The following FRMPD4 variants were observed in gnomAD, a reference collection of about 807,000 sequenced individuals.
FRMPD4 encodes the protein FERM and PDZ domain containing 4.
A neutral mutation model predicts 94.1 loss-of-function variants in FRMPD4; 22 were observed. The observed-to-expected ratio is 0.23, with a 90% CI of 0.17 to 0.33. FRMPD4 has a LOEUF of 0.33. FRMPD4 is among the 10% of genes least tolerant of loss of function. The probability of loss-of-function intolerance (pLI) is 1.00; values close to 1 mark genes in which losing one functional copy is unlikely to be tolerated. For synonymous variants in FRMPD4, 631 were observed against 548.6 expected (o/e 1.15, Z -2.10); for missense variants, 1,111 against 1,339.9 (o/e 0.83, Z 2.67).
chrX:11,828,074 T>C (rs1281024087), intron 1 of FRMPD4, among the ~76,000 whole-genome samples: 1 of 112,072 alleles, frequency 8.9e-6, no homozygotes, highest in African/African-American at 3.2e-5. Context: ...AGAAGACATA[T>C]GCCAACTGTG....
At chrX:12,594,788 C>T (rs1461536173) in intron 2 of FRMPD4, among the ~76,000 whole-genome samples, 2 of 111,572 alleles carry the variant, frequency 1.8e-5, no homozygotes, top group African/African-American at 6.5e-5. Flanking sequence ...TTGAATTGCC[C>T]TCATGCTTTA....
At chrX:12,063,686 G>C (rs946510931) in intron 3 of FRMPD4, among the ~76,000 whole-genome samples, 2 of 112,266 alleles carry the variant, frequency 1.8e-5, no homozygotes, top group African/African-American at 6.5e-5. Context: ...CTAGGAGTTT[G>C]GGGCTAAAGT....
chrX:12,202,629 C>A (rs1278929781), intron 1 of FRMPD4, among the ~76,000 whole-genome samples: 21 of 111,941 alleles, frequency 1.9e-4, no homozygotes. Context: ...ATTTGTGTTA[C>A]CCCAAACTCC....
intron 2 of FRMPD4, among the ~76,000 whole-genome samples, chrX:12,599,306 T>TAA (rs58459190): frequency 0.16 from 16,797 of 105,940 alleles, 1,762 homozygotes; most frequent in African/African-American, 0.36. Context: ...TTCCTGCAGG[T>TAA]AAAAAAAAAA....
At chrX:12,626,470 A>G (rs1041751490) in intron 4 of FRMPD4, among the ~76,000 whole-genome samples, 10 of 107,536 alleles carry the variant, frequency 9.3e-5, no homozygotes, top group Non-Finnish European at 1.5e-4. Context: ...TACAACTATC[A>G]GCAGATTTCT....
At chrX:12,621,181 G>A (rs1428016653) in intron 4 of FRMPD4, among the ~76,000 whole-genome samples, 2 of 111,527 alleles carry the variant, frequency 1.8e-5, no homozygotes, top group Non-Finnish European at 3.8e-5. Context: ...AATGAGCCAC[G>A]ATCACACCAG....
At chrX:12,663,049 G>C (rs1184728620) in intron 4 of FRMPD4, among the ~76,000 whole-genome samples, 2 of 112,296 alleles carry the variant, frequency 1.8e-5, no homozygotes, top group Non-Finnish European at 3.8e-5. Context: ...TGATAGGGTT[G>C]TTTGGTTTTG....
intron 1 of FRMPD4, among the ~76,000 whole-genome samples, chrX:12,397,495 T>G (rs2056557474): frequency 8.9e-6 from 1 of 112,051 alleles, no homozygotes; most frequent in Admixed American, 9.5e-5. Flanking sequence ...ACTAGACCAT[T>G]TTGGAAAATG....
intron 1 of FRMPD4, among the ~76,000 whole-genome samples, chrX:12,344,847 G>A (rs776279134): frequency 3.1e-4 from 35 of 111,870 alleles, no homozygotes; most frequent in African/African-American, 9.1e-4. Context: ...ACCATAGTGG[G>A]GAGGGGGGAT....
At chrX:12,470,736 C>A (rs1282478814) in intron 1 of FRMPD4, among the ~76,000 whole-genome samples, 1 of 111,730 alleles carries the variant, frequency 9.0e-6, no homozygotes, top group Non-Finnish European at 1.9e-5. Flanking sequence ...TTTCCTGAGA[C>A]CCTGTATGAG....
chrX:12,290,515 A>G (rs1045817091), intron 1 of FRMPD4, among the ~76,000 whole-genome samples: 10 of 112,238 alleles, frequency 8.9e-5, no homozygotes, highest in African/African-American at 3.2e-4. Flanking sequence ...TTACTTTGCC[A>G]TTGCTTTTCA....
intron 4 of FRMPD4, among the ~76,000 whole-genome samples, chrX:12,654,533 T>G (rs1184334924): frequency 1.8e-5 from 2 of 112,110 alleles, no homozygotes; most frequent in Non-Finnish European, 3.8e-5. Flanking sequence ...TGTACTGATA[T>G]ATGTATATAT....
intron 1 of FRMPD4, among the ~76,000 whole-genome samples, chrX:12,331,224 GTTT>G (rs780886973): frequency 1.1e-5 from 1 of 87,343 alleles, no homozygotes; most frequent in Non-Finnish European, 2.3e-5. Flanking sequence ...TCGGGATTTC[GTTT>G]TTTTTTTTTT....
At chrX:12,097,585 C>T (rs1229542903) in intron 3 of FRMPD4, among the ~76,000 whole-genome samples, 2 of 112,324 alleles carry the variant, frequency 1.8e-5, no homozygotes, top group African/African-American at 6.5e-5. Flanking sequence ...CCTGCTTACA[C>T]ATCCAGGTCT....
chrX:11,868,407 G>T (rs1194199074), intron 2 of FRMPD4, among the ~76,000 whole-genome samples: 1 of 111,819 alleles, frequency 8.9e-6, no homozygotes, highest in Non-Finnish European at 1.9e-5. Flanking sequence ...CTCACATCTG[G>T]TTATAAGATG....
intron 1 of FRMPD4, among the ~76,000 whole-genome samples, chrX:12,193,752 C>T (rs866123051): frequency 6.1e-5 from 1 of 16,492 alleles, no homozygotes; most frequent in African/African-American, 3.3e-4. Context: ...CCGAAAGAAA[C>T]AGAAAGAAAG....
At chrX:12,388,811 A>C (rs1223991741) in intron 1 of FRMPD4, among the ~76,000 whole-genome samples, 2 of 67,231 alleles carry the variant, frequency 3.0e-5, no homozygotes, top group African/African-American at 1.2e-4. Context: ...ATGGATAAAG[A>C]AAATGTGATA....
chrX:12,155,050 A>G (rs2055913188), intron 1 of FRMPD4, among the ~76,000 whole-genome samples: 1 of 112,257 alleles, frequency 8.9e-6, no homozygotes. Flanking sequence ...TCATTGCTCA[A>G]AGTGGGTCAC....
chrX:12,534,578 G>A (rs184996864), intron 2 of FRMPD4, among the ~76,000 whole-genome samples: 136 of 112,527 alleles, frequency 1.2e-3, no homozygotes, highest in Middle Eastern at 9.1e-3. Context: ...GAGACCATGG[G>A]AACCTACCTC....
Sources: allele counts gnomAD v4.1 joint callset (sites outside exome capture counted in the v4.1 genomes callset), GRCh38; gene constraint gnomAD v4.1.1; transcripts MANE v1.5; gene names NCBI Gene and HGNC (gene_info 2026-07-23, HGNC 2026-07-21).